MUC4: variants seen among roughly 807,000 people sequenced by gnomAD.
MUC4 encodes mucin 4, cell surface associated.
In MUC4, 202 loss-of-function variants were observed where a neutral mutation model predicts 257.9. The ratio of observed to expected loss-of-function variants is 0.78; its 90% CI spans 0.70 to 0.88. The LOEUF (loss-of-function observed/expected upper bound fraction) is 0.88, where lower values mean the gene tolerates loss of function less well. MUC4 is among the 40% of genes least tolerant of loss of function. The pLI, the probability that MUC4 is intolerant of heterozygous loss-of-function variation, is 0.00. For missense variants in MUC4, 5,976 were observed against 6,513.7 expected (o/e 0.92, Z 2.84); for synonymous variants, 2,351 against 2,757.1 (o/e 0.85, Z 4.62).
chr3:195,779,554 A>C lies in MUC4; in HGVS notation c.12026T>G (p.Val4009Gly). 69 of 931,820 alleles carry C rather than the reference A, an allele frequency of 7.4e-5. No homozygotes were observed. Among genetic ancestry groups the C allele is most frequent in the Middle Eastern group, 4.2e-4 (1 of 2,378 alleles). The allele number at this position is 931,820 out of a possible 1,614,324, so 57.7% of individuals were successfully genotyped here. ...AAGAGGGGTGGCGTGACCTGTAGAT[A>C]CTGAGGAAGTGCTGGTGACAGGAAG... ...TPLPVTSTSS[V>G]STGHATPLPV... The change falls in exon 2 of 25, where the codon GTA becomes GGA. Residue 4009 changes from valine to glycine, a missense_variant. Val to Gly is a moderately radical substitution (Grantham distance 109, BLOSUM62 -3). Transcript: ENST00000463781.
intron 2 of MUC4, 126 bp from the exon 3 acceptor site, chr3:195,778,581 T>G: frequency 7.4e-7 from 1 of 1,355,268 alleles, no homozygotes; most frequent in Non-Finnish European, 1.0e-6. Flanking sequence ...CCTGCTCATA[T>G]CCAAACTACT....
In MUC4 at chr3:195,791,494, G is replaced by T; in HGVS notation, c.86C>A (p.Thr29Asn). Residue 29 changes from threonine (T) to asparagine (N), a missense_variant, in exon 2 of 25, where the codon ACC becomes AAC. This residue lies in a region of MUC4 where 1,583 missense variants were observed against 1,257.4 expected (regional missense o/e 1.26). Coordinates refer to ENST00000463781, the MANE Select transcript of MUC4 (RefSeq NM_018406.7). ...LCLLPHVVPG[T>N]TEDTLITGSK... ...TCCAGTTATTAATGTGTCCTCTGTGGTTCCTGGAGTGAACCAAAATAGGCA... is the reference window on the plus strand; with the variant it reads ...TCCAGTTATTAATGTGTCCTCTGTGTTTCCTGGAGTGAACCAAAATAGGCA... 6 of 1,608,318 alleles carry T rather than the reference G, an allele frequency of 3.7e-6. No individual in the cohort carries two copies. Among genetic ancestry groups the T allele is most frequent in the Non-Finnish European group, 5.1e-6 (6 of 1,176,046 alleles).
chr3:195,807,146 C>G (rs989343278), intron 1 of MUC4, among the ~76,000 whole-genome samples: 2 of 152,112 alleles, frequency 1.3e-5, no homozygotes, highest in Non-Finnish European at 2.9e-5. Context: ...TTCAGAGTCT[C>G]CAGGAAAAGG....
chr3:195,783,101 T>C lies in MUC4; in HGVS notation c.8479A>G (p.Thr2827Ala), dbSNP rs759671878. ...LPVTDASSVF[T>A]GHATSLPVTI... is the part of the protein sequence containing the mutation. The stretch of plus-strand genomic sequence containing the variant: ...ACAGGAAGAGAGGTGGCATGACCTG[T>C]GAACACTGAGGAAGCGTCGGTGACA... The change falls in exon 2 of 25, where the codon ACA (threonine) becomes GCA (alanine). Residue 2827 changes from threonine to alanine, a missense_variant. Thr to Ala is a moderately conservative substitution (Grantham distance 58). Coordinates refer to ENST00000463781, the MANE Select transcript of MUC4 (RefSeq NM_018406.7). 376 of 696,486 alleles carry C rather than the reference T, an allele frequency of 5.4e-4. No individual in the cohort carries two copies. Among genetic ancestry groups the C allele is most frequent in the Non-Finnish European group, 7.5e-4 (365 of 484,234 alleles). The allele number at this position is 696,486 out of a possible 1,614,324, so 43.1% of individuals were successfully genotyped here.
Position 195,778,786 on chromosome 3 carries a change from C to T in MUC4, c.12790+4G>A, listed in dbSNP as rs746239892. 10 of 1,606,324 alleles carry T rather than the reference C, an allele frequency of 6.2e-6. No individual in the cohort carries two copies. Among genetic ancestry groups the T allele is most frequent in the Non-Finnish European group, 8.5e-6 (10 of 1,175,988 alleles). On this transcript the variant is annotated splice_donor_region_variant and intron_variant, in intron 2 of 24. Coordinates refer to ENST00000463781, the MANE Select transcript of MUC4 (RefSeq NM_018406.7). ...GACATAAAGGCGAGGCAGTTGGCAG[C>T]TACCTGGTGTTTCCATCTTCAGAGG...
chr3:195,782,810 C>A lies in MUC4; in HGVS notation c.8770G>T (p.Gly2924Cys), dbSNP rs542678880. ...PVTDTSSAST[G>C]QATPLPVTSL... ...GTGACAGGAAGAGGGGTGGCCTGAC[C>A]TGTGGATGCTGAGGAAGTGTCGGTG... Residue 2924 changes from glycine to cysteine, a missense_variant, in exon 2 of 25, where the codon GGT (glycine) becomes TGT (cysteine). By Grantham distance (159) the Gly-to-Cys change is radical. This residue lies in a region of MUC4 where 228 missense variants were observed against 206.3 expected (regional missense o/e 1.11). Transcript: ENST00000463781. The A allele has an allele frequency of 6.7e-5, 102 of 1,520,084 alleles. 3 individuals carry two copies. The African/African-American group carries it at 1.3e-3, about 20-fold the overall frequency. 94.2% of individuals were successfully genotyped at this position (1,520,084 alleles called of 1,614,324 possible). A position where few individuals can be genotyped will look rare whatever the true frequency, so the allele number is the denominator to read the frequency against.
chr3:195,776,773 A>G (rs1553865567), intron 3 of MUC4, among the ~76,000 whole-genome samples: 9 of 106,140 alleles, frequency 8.5e-5, no homozygotes, highest in African/African-American at 1.8e-4. Context: ...TACCTTCCAC[A>G]CCCATACCTT....
chr3:195,806,994 A>G (rs1249182226), intron 1 of MUC4, among the ~76,000 whole-genome samples: 1 of 152,154 alleles, frequency 6.6e-6, no homozygotes, highest in Non-Finnish European at 1.5e-5. Context: ...CTCTACAGAG[A>G]GTCGATGTCT....
Position 195,810,113 on chromosome 3 carries a change from G to T in MUC4, c.82+1623C>A, listed in dbSNP as rs1464991750. 1.3e-5 allele frequency: 2 copies of T among 152,414 alleles called. No homozygotes were observed. The highest frequency in any genetic ancestry group is 1.5e-5 in the Non-Finnish European group (1 of 68,204). 9.4% of individuals were successfully genotyped at this position (152,414 alleles called of 1,614,324 possible). ...TGGAGCGGGGTTGTGTGGCCAGGGT[G>T]GGGTGGGGGTGCTGGAGGGTGGGGA... On this transcript the variant is annotated intron_variant, in intron 1 of 24. Coordinates refer to ENST00000463781, the MANE Select transcript of MUC4 (RefSeq NM_018406.7). The surrounding 1 kb of genome is among the most constrained non-coding windows in gnomAD (Gnocchi z 4.2).
intron 13 of MUC4, among the ~76,000 whole-genome samples, chr3:195,762,497 C>T (rs1284171694): frequency 6.6e-6 from 1 of 151,368 alleles, no homozygotes; most frequent in Non-Finnish European, 1.5e-5. Context: ...GGGCCCGGCA[C>T]CACAACGCAC....
Position 195,757,527 on chromosome 3 carries a change from G to T in MUC4, c.14987-199C>A, listed in dbSNP as rs747197338. Among the ~76,000 whole-genome samples the T allele has an allele frequency of 1.3e-5, 2 of 152,022 alleles. No individual in the cohort carries two copies. ...TCCCAGCTGGAAGGACGTGGCACCA[G>T]TCCAACATACTGATTGTAGCGGGGA... On this transcript the variant is annotated intron_variant, in intron 17 of 24. Transcript: ENST00000463781. The surrounding 1 kb of genome is among the most constrained non-coding windows in gnomAD (Gnocchi z 4.8).
At position 195,761,578 on chromosome 3, in the gene MUC4, C is replaced by T. The variant is rs200737893; in HGVS notation, c.14520G>A (p.Trp4840Ter). ...QNRTEGLLGV[W>*]NNNPEDDFRM... Reference sequence around the variant, plus strand: ...TGAAGTCGTCCTCTGGATTGTTATTCCAGACCCCTGAGGGACAGAGTGGGA... The same window carrying T: ...TGAAGTCGTCCTCTGGATTGTTATTTCAGACCCCTGAGGGACAGAGTGGGA... The change falls in exon 15 of 25, where the codon TGG becomes TGA. Residue 4840 changes from tryptophan to a stop codon, truncating the protein, a stop_gained. Coordinates refer to ENST00000463781, the MANE Select transcript of MUC4 (RefSeq NM_018406.7). LOFTEE classifies it high-confidence loss of function. 186 of 1,613,782 alleles carry T rather than the reference C, an allele frequency of 1.2e-4. 1 individual carries two copies. The East Asian group carries it at 4.0e-3, about 34-fold the overall frequency.
intron 5 of MUC4, chr3:195,770,887 C>T: frequency 2.2e-6 from 1 of 457,766 alleles, no homozygotes; most frequent in Non-Finnish European, 4.4e-6. Context: ...CCCCTACAGC[C>T]TGATTTTACA....
chr3:195,751,602 T>C (rs1329216952), intron 21 of MUC4: 1 of 449,332 alleles, frequency 2.2e-6, no homozygotes, highest in Non-Finnish European at 4.0e-6. Context: ...ATATTGAACA[T>C]GGGTTGTTTA....
At chr3:195,761,186 C>T (rs1191712226) in intron 15 of MUC4, 69 bp from the exon 16 acceptor site, 3 of 1,441,804 alleles carry the variant, frequency 2.1e-6, no homozygotes, top group Middle Eastern at 1.9e-4. Context: ...TCCACCTCTA[C>T]CCCTCACTTT....
rs1726678513 is a variant in MUC4 at position 195,780,074 on chromosome 3, C to G, written c.11506G>C (p.Gly3836Arg). 11 of 767,890 alleles carry G rather than the reference C, an allele frequency of 1.4e-5. 1 individual carries two copies. The highest frequency in any genetic ancestry group is 2.3e-5 in the South Asian group (1 of 43,158). The allele number at this position is 767,890 out of a possible 1,614,324, so 47.6% of individuals were successfully genotyped here. Residue 3836 changes from glycine to arginine, a missense_variant, in exon 2 of 25, where the codon GGT becomes CGT. Transcript: ENST00000463781. The part of the protein sequence containing the change: ...PVTDASSAST[G>R]HATPLPVTIP... Reference sequence around the variant, plus strand: ...GTGACAGGAAGAGGGGTGGCGTGACCTGTGGATGCTGAGGAAGCGTCGGTG... The same window carrying G: ...GTGACAGGAAGAGGGGTGGCGTGACGTGTGGATGCTGAGGAAGCGTCGGTG...
Position 195,782,726 on chromosome 3 carries a change from A to C in MUC4, c.8854T>G (p.Ser2952Ala). ...GAGGTGGCGTGACCTGTGGATGCTG[A>C]GGAAGTGTCGGTGACAGGAAGAGGG... ...TTPLPVTDTSSASTGHATSLP... is the reference protein window; with the variant it reads ...TTPLPVTDTSAASTGHATSLP... The change falls in exon 2 of 25, where the codon TCA (serine) becomes GCA (alanine). Residue 2952 changes from serine (S) to alanine (A), a missense_variant. Ser to Ala is a moderately conservative substitution (Grantham distance 99, BLOSUM62 1). This residue lies in a region of MUC4 where 13 missense variants were observed against 52.4 expected (regional missense o/e 0.25). Transcript: ENST00000463781. The C allele has an allele frequency of 6.5e-7, 1 of 1,530,492 alleles. No homozygotes were observed. 94.8% of individuals were successfully genotyped at this position (1,530,492 alleles called of 1,614,324 possible). A position where few individuals can be genotyped will look rare whatever the true frequency, so the allele number is the denominator to read the frequency against.
At chr3:195,767,703 T>TCACCATCACC (rs1560263757) in intron 7 of MUC4, among the ~76,000 whole-genome samples, 1 of 1,214 alleles carries the variant, frequency 8.2e-4, no homozygotes, top group Admixed American at 5.4e-3. Context: ...CCCCAAAAAA[T>TCACCATCACC]ACCACCATCG....
At chr3:195,752,959 C>T (rs1451219558) in intron 20 of MUC4, 92 bp downstream of exon 20, 2 of 1,159,838 alleles carry the variant, frequency 1.7e-6, no homozygotes, top group East Asian at 2.5e-5. Flanking sequence ...CCAGAGCTTC[C>T]TCATCTTCCC....
Sources: allele counts gnomAD v4.1 joint callset (sites outside exome capture counted in the v4.1 genomes callset), GRCh38; gene constraint gnomAD v4.1.1; regional missense constraint gnomAD v4.1.1; non-coding constraint Gnocchi (gnomAD v3.1); transcripts MANE v1.5; gene names NCBI Gene and HGNC (gene_info 2026-07-23, HGNC 2026-07-21).